FHIT: variants seen among roughly 807,000 people sequenced by gnomAD.
The protein encoded by FHIT is fragile histidine triad diadenosine triphosphatase.
A neutral mutation model predicts 17.9 loss-of-function variants in FHIT; 19 were observed. The ratio of observed to expected loss-of-function variants is 1.06; its 90% CI spans 0.74 to 1.56. FHIT has a LOEUF of 1.56. Ranked by LOEUF, FHIT falls within the 40% of genes most tolerant of loss-of-function variation. The probability of loss-of-function intolerance (pLI) is 0.00; values close to 1 mark genes in which losing one functional copy is unlikely to be tolerated. For missense variants in FHIT, 248 were observed against 189.2 expected (o/e 1.31, Z -1.82); for synonymous variants, 81 against 69.7 (o/e 1.16, Z -0.81).
intron 5 of FHIT, among the ~76,000 whole-genome samples, chr3:60,326,810 C>T (rs1233029639): frequency 6.6e-6 from 1 of 152,144 alleles, no homozygotes; most frequent in Admixed American, 6.5e-5. Context: ...CCCACATCTC[C>T]CCATTGCTGA....
chr3:60,914,734 G>A (rs1706917718), intron 3 of FHIT, among the ~76,000 whole-genome samples: 7 of 152,262 alleles, frequency 4.6e-5, no homozygotes, highest in Admixed American at 3.9e-4. Flanking sequence ...ATCCCCACCA[G>A]CAATATAACC....
At chr3:60,034,354 T>A (rs556943059) in intron 5 of FHIT, among the ~76,000 whole-genome samples, 1 of 152,324 alleles carries the variant, frequency 6.6e-6, no homozygotes, top group East Asian at 1.9e-4. Context: ...TGAAAGGTCT[T>A]TAAACACCAC....
chr3:60,157,785 G>C (rs1700765601), intron 5 of FHIT, among the ~76,000 whole-genome samples: 1 of 152,148 alleles, frequency 6.6e-6, no homozygotes, highest in African/African-American at 2.4e-5. Flanking sequence ...ACAGGAACTG[G>C]AAACTATTTC....
intron 5 of FHIT, among the ~76,000 whole-genome samples, chr3:60,315,313 A>G (rs1709116934): frequency 6.6e-6 from 1 of 152,172 alleles, no homozygotes; most frequent in Non-Finnish European, 1.5e-5. Flanking sequence ...CATACAATAA[A>G]ATGGGCTAAT....
chr3:60,063,508 C>T (rs1559596732), intron 5 of FHIT, among the ~76,000 whole-genome samples: 1 of 152,126 alleles, frequency 6.6e-6, no homozygotes, highest in Non-Finnish European at 1.5e-5. Flanking sequence ...AAAGCAGAGG[C>T]CCAGAGTGAC....
At chr3:60,176,726 T>G (rs1359750612) in intron 5 of FHIT, among the ~76,000 whole-genome samples, 1 of 152,094 alleles carries the variant, frequency 6.6e-6, no homozygotes, top group Non-Finnish European at 1.5e-5. Context: ...CAAAGCTGAG[T>G]ATTGGCAAAT....
rs1167375811 is a variant in FHIT at position 60,714,571 on chromosome 3, G to T, written c.-18+107348C>A. On this transcript the variant is annotated intron_variant, in intron 4 of 9. Coordinates refer to ENST00000492590, the MANE Select transcript of FHIT (RefSeq NM_002012.4). ...GCCCAAAATCTCCTTAAGCTGATAAGCAACTTCAGCAAAGTCTCAGGATAC... is the reference window on the plus strand; with the variant it reads ...GCCCAAAATCTCCTTAAGCTGATAATCAACTTCAGCAAAGTCTCAGGATAC... Among the ~76,000 whole-genome samples the T allele has an allele frequency of 2.0e-5, 3 of 152,150 alleles. No homozygotes were observed. The East Asian group carries it at 5.8e-4, about 29-fold the overall frequency.
At chr3:60,436,064 A>T (rs1292709970) in intron 5 of FHIT, among the ~76,000 whole-genome samples, 2 of 151,388 alleles carry the variant, frequency 1.3e-5, no homozygotes, top group African/African-American at 4.9e-5. Context: ...TCTTTTTGAG[A>T]TGGAGTTTCG....
intron 4 of FHIT, among the ~76,000 whole-genome samples, chr3:60,657,188 G>A (rs1460402306): frequency 6.6e-6 from 1 of 152,152 alleles, no homozygotes; most frequent in African/African-American, 2.4e-5. Flanking sequence ...AAGAGACAAA[G>A]TGCTGATTCT....
At chr3:60,101,254 G>A (rs1014484772) in intron 5 of FHIT, among the ~76,000 whole-genome samples, 1 of 152,226 alleles carries the variant, frequency 6.6e-6, no homozygotes, top group Non-Finnish European at 1.5e-5. Flanking sequence ...TACCTGGCCT[G>A]CAAGGCCCTG....
intron 4 of FHIT, among the ~76,000 whole-genome samples, chr3:60,724,440 C>T (rs1553708825): frequency 6.6e-6 from 1 of 152,130 alleles, no homozygotes; most frequent in Admixed American, 6.5e-5. Flanking sequence ...CTACTATGAA[C>T]ATTTGCATAC....
chr3:60,504,605 G>C (rs1010190979), intron 5 of FHIT, among the ~76,000 whole-genome samples: 8 of 152,124 alleles, frequency 5.3e-5, no homozygotes. Context: ...GTCTCATGAA[G>C]CTTTGAGAGC....
At chr3:60,071,111 G>T (rs147780907) in intron 5 of FHIT, among the ~76,000 whole-genome samples, 13 of 152,234 alleles carry the variant, frequency 8.5e-5, no homozygotes, top group African/African-American at 3.1e-4. Flanking sequence ...TGCTTGCCAT[G>T]CCCTAGTCCT....
intron 4 of FHIT, among the ~76,000 whole-genome samples, chr3:60,678,480 T>A (rs1316507258): frequency 6.6e-6 from 1 of 152,194 alleles, no homozygotes; most frequent in Admixed American, 6.5e-5. Flanking sequence ...TATATATCGC[T>A]GTTCAATAGA....
chr3:60,173,919 T>TATG (rs1559698680), intron 5 of FHIT, among the ~76,000 whole-genome samples: 4 of 17,254 alleles, frequency 2.3e-4, no homozygotes, highest in Non-Finnish European at 3.2e-4. Context: ...ATATATATGT[T>TATG]TTTTTTTTTT....
At chr3:59,867,162 A>T (rs1239599855) in intron 8 of FHIT, among the ~76,000 whole-genome samples, 1 of 148,304 alleles carries the variant, frequency 6.7e-6, no homozygotes, top group Non-Finnish European at 1.5e-5. Context: ...AATTATCTTA[A>T]TAATCAGCAG....
intron 4 of FHIT, among the ~76,000 whole-genome samples, chr3:60,597,015 A>G (rs2038293238): frequency 6.6e-6 from 1 of 152,178 alleles, no homozygotes; most frequent in Admixed American, 6.6e-5. Context: ...TTGTGCAGAC[A>G]TACTGCTTCC....
chr3:60,563,597 C>T (rs546470844), intron 4 of FHIT, among the ~76,000 whole-genome samples: 28 of 152,294 alleles, frequency 1.8e-4, no homozygotes, highest in African/African-American at 6.0e-4. Flanking sequence ...AGTGCTACTC[C>T]AGTGAACACA....
At chr3:61,200,020 G>T (rs1159712012) in intron 2 of FHIT, among the ~76,000 whole-genome samples, 2 of 152,162 alleles carry the variant, frequency 1.3e-5, no homozygotes, top group African/African-American at 4.8e-5. Flanking sequence ...CAACTTGATT[G>T]TAATGTTTCA....
Sources: allele counts gnomAD v4.1 joint callset (sites outside exome capture counted in the v4.1 genomes callset), GRCh38; gene constraint gnomAD v4.1.1; transcripts MANE v1.5; gene names NCBI Gene and HGNC (gene_info 2026-07-23, HGNC 2026-07-21).